The following MAN2A1 variants were observed in gnomAD, a reference collection of about 807,000 sequenced individuals.
The protein encoded by MAN2A1 is alpha-mannosidase 2.
A neutral mutation model predicts 142.6 loss-of-function variants in MAN2A1; 76 were observed. The ratio of observed to expected loss-of-function variants is 0.53; its 90% CI spans 0.44 to 0.65. MAN2A1 has a LOEUF of 0.65. Among genes scored for constraint, MAN2A1 ranks in the 30% least tolerant of loss-of-function variants. The probability of loss-of-function intolerance (pLI) is 0.00; values close to 1 mark genes in which losing one functional copy is unlikely to be tolerated. For synonymous variants in MAN2A1, 559 were observed against 473.2 expected, an observed-to-expected ratio of 1.18 and a Z score of -2.35; for missense variants, 1,311 against 1,365.1, an observed-to-expected ratio of 0.96 and a Z score of 0.62.
At chr5:109,749,999 CT>C (rs1273796847) in intron 4 of MAN2A1, among the ~76,000 whole-genome samples, 11 of 151,830 alleles carry the variant, frequency 7.2e-5, no homozygotes, top group African/African-American at 2.7e-4. Flanking sequence ...AAGTATGGTC[CT>C]TTTTTAGGTT....
chr5:109,840,127 C>A (rs770135943), intron 16 of MAN2A1: 2 of 185,790 alleles, frequency 1.1e-5, no homozygotes, highest in South Asian at 1.2e-4. Context: ...AGCCAGAAAT[C>A]ATTTGTTCCA....
intron 6 of MAN2A1, among the ~76,000 whole-genome samples, chr5:109,769,980 T>G (rs1264035682): frequency 4.6e-5 from 7 of 152,196 alleles, no homozygotes. Context: ...GTGAATTCTG[T>G]TACCTGAATT....
At chr5:109,698,238 T>C (rs1267667461) in intron 1 of MAN2A1, among the ~76,000 whole-genome samples, 1 of 152,260 alleles carries the variant, frequency 6.6e-6, no homozygotes, top group Admixed American at 6.5e-5. Context: ...ACTCAGCCGG[T>C]CTCTGGGATC....
At position 109,868,439 on chromosome 5, in the gene MAN2A1, G is replaced by T. The variant is rs541810165; in HGVS notation, c.*1441G>T. On this transcript the variant is annotated 3_prime_UTR_variant, in exon 22 of 22. Transcript: ENST00000261483. ...AGCATAGAAAGGAGTCTTTGAGTAT[G>T]TACAGTTTTGAAAATTCTCTTTGAG... is the stretch of plus-strand genomic sequence containing the variant. The T allele has an allele frequency of 6.6e-6, 1 of 152,166 alleles. No homozygotes were observed. The allele number at this position is 152,166 out of a possible 1,614,324, so 9.4% of individuals were successfully genotyped here.
At position 109,762,080 on chromosome 5, in the gene MAN2A1, T is replaced by C. The variant is rs569573282; in HGVS notation, c.836-5455T>C. Among the ~76,000 whole-genome samples the C allele has an allele frequency of 3.9e-5, 6 of 152,246 alleles. No individual in the cohort carries two copies. In the East Asian group the frequency reaches 1.2e-3, roughly 29 times the overall value. On this transcript the variant is annotated intron_variant, in intron 5 of 21. Coordinates refer to ENST00000261483, the MANE Select transcript of MAN2A1 (RefSeq NM_002372.4). ...TAACCTGTTTTGTGATATATAACAT[T>C]ATAGCATTCTGGACTTTTTCATATG... is the stretch of plus-strand genomic sequence containing the variant.
At chr5:109,789,190 T>TA (rs1465750150) in intron 11 of MAN2A1, 142 bp downstream of exon 11, 1 of 547,822 alleles carries the variant, frequency 1.8e-6, no homozygotes, top group African/African-American at 2.0e-5. Flanking sequence ...TATCACTTAA[T>TA]ATAAATTACC....
chr5:109,704,532 G>A (rs1458995765), intron 1 of MAN2A1, among the ~76,000 whole-genome samples: 2 of 152,070 alleles, frequency 1.3e-5, no homozygotes, highest in East Asian at 3.9e-4. Flanking sequence ...ATACAGAATC[G>A]TGGCCACAGC....
chr5:109,784,264 T>TGCCTC (rs1753538349), intron 9 of MAN2A1, among the ~76,000 whole-genome samples: 2 of 152,178 alleles, frequency 1.3e-5, no homozygotes, highest in African/African-American at 4.8e-5. Flanking sequence ...CATTATTTTC[T>TGCCTC]GCCTCTCCTC....
chr5:109,724,162 G>C (rs1432083682), intron 3 of MAN2A1, among the ~76,000 whole-genome samples: 2 of 152,138 alleles, frequency 1.3e-5, no homozygotes, highest in Non-Finnish European at 2.9e-5. Flanking sequence ...ACTAGAAGTT[G>C]CAGTTGAATA....
intron 12 of MAN2A1, chr5:109,804,395 C>T (rs1377897538): frequency 1.4e-5 from 6 of 443,622 alleles, no homozygotes; most frequent in African/African-American, 4.3e-5. Flanking sequence ...TGTGAAATCG[C>T]GTTACTTTTC....
chr5:109,769,892 A>C (rs1036778506), intron 6 of MAN2A1, among the ~76,000 whole-genome samples: 2 of 151,910 alleles, frequency 1.3e-5, no homozygotes, highest in African/African-American at 4.8e-5. Flanking sequence ...TATGCTCCAC[A>C]CTTCCTTTGT....
At chr5:109,839,992 A>G (rs7711461) in intron 16 of MAN2A1, 2,194 of 152,394 alleles carry the variant, frequency 0.014, 59 homozygotes, top group African/African-American at 0.051. Flanking sequence ...TTATTCACTA[A>G]CACATGCTAG....
rs995820380 is a variant in MAN2A1, at chr5:109,730,241, G to T, written c.707+728G>T. Among the ~76,000 whole-genome samples, 4 of 152,002 alleles carry T rather than the reference G, an allele frequency of 2.6e-5. No homozygotes were observed. In the South Asian group the frequency reaches 8.3e-4, roughly 32 times the overall value. ...TTAATTTTAATTTTAATTTTTGATT[G>T]GTAACAGTGTTGCATATTTTCTCAT... On this transcript the variant is annotated intron_variant, in intron 4 of 21. Transcript: ENST00000261483.
chr5:109,765,141 A>G (rs1462892766), intron 5 of MAN2A1, among the ~76,000 whole-genome samples: 2 of 152,166 alleles, frequency 1.3e-5, no homozygotes, highest in Non-Finnish European at 2.9e-5. Context: ...TATTTCAATA[A>G]TGTCTTTTAT....
In MAN2A1 at chr5:109,690,177, G is replaced by T. The variant is rs1750622278; in HGVS notation, c.-241G>T. ...GGCCCCCCTTCCCAGTTGCCGGCGAGTCTCGCCTCGAGAGGGGCGCCCGAC... is the reference window on the plus strand; with the variant it reads ...GGCCCCCCTTCCCAGTTGCCGGCGATTCTCGCCTCGAGAGGGGCGCCCGAC... On this transcript the variant is annotated 5_prime_UTR_variant, in exon 1 of 22. Transcript: ENST00000261483. 1 of 480,408 alleles carries T rather than the reference G, an allele frequency of 2.1e-6. No individual in the cohort carries two copies. 29.8% of individuals were successfully genotyped at this position (480,408 alleles called of 1,614,324 possible).
At chr5:109,816,317 T>C (rs1007904133) in intron 12 of MAN2A1, among the ~76,000 whole-genome samples, 3 of 152,232 alleles carry the variant, frequency 2.0e-5, no homozygotes, top group Non-Finnish European at 2.9e-5. Context: ...TTGGAAAAAT[T>C]GTGTCCCAAA....
At chr5:109,833,642 C>T (rs2112746003) in intron 16 of MAN2A1, among the ~76,000 whole-genome samples, 1 of 140,014 alleles carries the variant, frequency 7.1e-6, no homozygotes, top group Admixed American at 7.7e-5. Flanking sequence ...CTCTGCTCGG[C>T]ATCAGAGGGA....
chr5:109,840,415 T>C, intron 16 of MAN2A1: 1 of 436,244 alleles, frequency 2.3e-6, no homozygotes. Flanking sequence ...CTCCTACAGG[T>C]GCATTTCTAC....
At chr5:109,788,296 T>G (rs889551320) in intron 10 of MAN2A1, among the ~76,000 whole-genome samples, 5 of 151,788 alleles carry the variant, frequency 3.3e-5, no homozygotes, top group African/African-American at 1.2e-4. Context: ...ATTTCAGAAT[T>G]GGTCTGGAAT....
Sources: gnomAD v4.1 joint callset for allele counts (sites outside exome capture counted in the v4.1 genomes callset) on GRCh38, gnomAD v4.1.1 for gene constraint, MANE v1.5 for transcripts, NCBI Gene and HGNC (gene_info 2026-07-23, HGNC 2026-07-21) for gene names.